KLF8: variants seen among roughly 807,000 people sequenced by gnomAD.
KLF8 encodes KLF transcription factor 8.
In KLF8, 10 loss-of-function variants were observed where a neutral mutation model predicts 18.2. The ratio of observed to expected loss-of-function variants is 0.55; its 90% CI spans 0.34 to 0.93. The LOEUF is 0.93. Among genes scored for constraint, KLF8 ranks in the 40% least tolerant of loss-of-function variants. The pLI is 0.02. For synonymous variants in KLF8, 109 were observed against 97.3 expected (o/e 1.12, Z -0.71); for missense variants, 264 against 277.9 (o/e 0.95, Z 0.36).
chrX:56,056,713 T>A, the KLF8 span, among the ~76,000 whole-genome samples: 2 of 94,521 alleles, frequency 2.1e-5, no homozygotes, highest in Non-Finnish European at 4.1e-5. Flanking sequence ...GACGAGTTAG[T>A]GGGTGCAGCG....
chrX:55,939,786 T>A, the KLF8 span, among the ~76,000 whole-genome samples: 3 of 111,831 alleles, frequency 2.7e-5, no homozygotes, highest in African/African-American at 9.8e-5. Flanking sequence ...AAGAAATGGA[T>A]AAATTCCTCG....
chrX:56,116,556 A>AT, the KLF8 span, among the ~76,000 whole-genome samples: 22 of 105,298 alleles, frequency 2.1e-4, no homozygotes, highest in South Asian at 4.3e-4. Flanking sequence ...TGGATGTGGG[A>AT]TTTTTTCCCC....
the KLF8 span, among the ~76,000 whole-genome samples, chrX:56,089,543 A>C: frequency 8.9e-6 from 1 of 112,092 alleles, no homozygotes. Context: ...AACAACAAGA[A>C]AAAAGCAGAA....
At chrX:56,090,471 A>T in the KLF8 span, among the ~76,000 whole-genome samples, 1 of 112,320 alleles carries the variant, frequency 8.9e-6, no homozygotes, top group Non-Finnish European at 1.9e-5. Context: ...TGTTGGAATT[A>T]TTAAACCAGG....
At chrX:56,132,927 A>T in the KLF8 span, among the ~76,000 whole-genome samples, 1 of 111,498 alleles carries the variant, frequency 9.0e-6, no homozygotes, top group Non-Finnish European at 1.9e-5. Flanking sequence ...GACATGGATA[A>T]ATTCCTGGAA....
the KLF8 span, among the ~76,000 whole-genome samples, chrX:55,925,399 TGCACACACACACACAC>T: frequency 9.1e-6 from 1 of 109,557 alleles, no homozygotes; most frequent in South Asian, 3.9e-4. Context: ...TACACACGCA[TGCACACACACACACAC>T]GCACACACAC....
At chrX:55,930,612 G>A in the KLF8 span, among the ~76,000 whole-genome samples, 6 of 111,765 alleles carry the variant, frequency 5.4e-5, no homozygotes, top group East Asian at 2.8e-4. Flanking sequence ...GCATTTTATC[G>A]AAGGCTTTTT....
At chrX:55,989,101 G>A in the KLF8 span, among the ~76,000 whole-genome samples, 1 of 111,565 alleles carries the variant, frequency 9.0e-6, no homozygotes, top group Non-Finnish European at 1.9e-5. Flanking sequence ...GGAGATTTGG[G>A]GCTGAGACAA....
chrX:56,202,268 G>GT, the KLF8 span, among the ~76,000 whole-genome samples: 10 of 109,574 alleles, frequency 9.1e-5, no homozygotes, highest in East Asian at 2.9e-4. Flanking sequence ...TGTTTGTTGG[G>GT]TTTTTTTGTT....
the KLF8 span, among the ~76,000 whole-genome samples, chrX:56,034,748 C>CTTTTT: frequency 1.8e-3 from 99 of 53,833 alleles, 4 homozygotes; most frequent in African/African-American, 2.1e-3. Context: ...GAACTTATTT[C>CTTTTT]TTTTTTTTTT....
intron 1 of KLF8, among the ~76,000 whole-genome samples, chrX:56,235,211 G>A (rs2066458838): frequency 9.2e-6 from 1 of 109,122 alleles, no homozygotes; most frequent in Admixed American, 1.0e-4. Context: ...GGTGGGGGCA[G>A]TATATGATCT....
chrX:55,955,555 T>A, the KLF8 span, among the ~76,000 whole-genome samples: 1 of 111,543 alleles, frequency 9.0e-6, no homozygotes, highest in East Asian at 2.8e-4. Flanking sequence ...CATTGCCATG[T>A]TTCTGGGGTA....
chrX:56,143,951 G>T, the KLF8 span, among the ~76,000 whole-genome samples: 1 of 111,801 alleles, frequency 8.9e-6, no homozygotes, highest in Non-Finnish European at 1.9e-5. Flanking sequence ...ATTGAGTCAA[G>T]TATGGTATTA....
the KLF8 span, among the ~76,000 whole-genome samples, chrX:56,068,412 C>G: frequency 9.0e-6 from 1 of 111,313 alleles, no homozygotes; most frequent in Non-Finnish European, 1.9e-5. Context: ...AGCACATGAC[C>G]CCACCCGACT....
At chrX:55,927,813 G>A in the KLF8 span, among the ~76,000 whole-genome samples, 2 of 111,238 alleles carry the variant, frequency 1.8e-5, no homozygotes, top group Non-Finnish European at 3.8e-5. Flanking sequence ...TGTTGATTAT[G>A]TGTGTTGTAA....
the KLF8 span, among the ~76,000 whole-genome samples, chrX:55,990,669 T>C: frequency 0.24 from 26,943 of 111,100 alleles, 2,597 homozygotes; most frequent in Middle Eastern, 0.45. Flanking sequence ...GACATACAGA[T>C]GGGATTTTGG....
the KLF8 span, among the ~76,000 whole-genome samples, chrX:56,211,612 C>A: frequency 1.8e-5 from 2 of 112,221 alleles, no homozygotes; most frequent in Admixed American, 9.4e-5. Flanking sequence ...TCCTTTCCTG[C>A]AGGGCAATGA....
the KLF8 span, among the ~76,000 whole-genome samples, chrX:56,021,262 G>A: frequency 8.9e-6 from 1 of 111,734 alleles, no homozygotes; most frequent in East Asian, 2.8e-4. Context: ...ATTCATTGAT[G>A]CTGTTGTGTG....
chrX:56,197,287 A>C, the KLF8 span, among the ~76,000 whole-genome samples: 2 of 111,477 alleles, frequency 1.8e-5, no homozygotes, highest in African/African-American at 6.5e-5. Context: ...ACCTTCAAAA[A>C]ATCAATGAAT....
Sources: gnomAD v4.1 joint callset for allele counts (sites outside exome capture counted in the v4.1 genomes callset) on GRCh38, gnomAD v4.1.1 for gene constraint, MANE v1.5 for transcripts, NCBI Gene and HGNC (gene_info 2026-07-23, HGNC 2026-07-21) for gene names.